Variants in TFDP2 observed in about 807,000 individuals in gnomAD.
The protein encoded by TFDP2 is transcription factor Dp-2, also known as transcription factor Dp-2 (E2F dimerization partner 2).
Under a neutral mutation model 59.3 loss-of-function variants are expected in TFDP2, and 17 were observed. The ratio of observed to expected loss-of-function variants is 0.29; its 90% confidence interval spans 0.20 to 0.43. TFDP2 has a LOEUF of 0.43. Among genes scored for constraint, TFDP2 ranks in the 20% least tolerant of loss-of-function variants. TFDP2 has a pLI of 1.00. For missense variants in TFDP2, 391 were observed against 528.8 expected, an observed-to-expected ratio of 0.74 and a Z score of 2.56; for synonymous variants, 180 against 194.7, an observed-to-expected ratio of 0.92 and a Z score of 0.63.
chr3:141,957,098 A>T (rs1268656747), intron 11 of TFDP2, among the ~76,000 whole-genome samples: 3 of 152,164 alleles, frequency 2.0e-5, no homozygotes, highest in Non-Finnish European at 2.9e-5. Context: ...AGGCAGGTGA[A>T]TTCAGGCCAA....
intron 6 of TFDP2, chr3:141,989,562 G>GA (rs989627665): frequency 1.3e-5 from 2 of 152,324 alleles, no homozygotes; most frequent in Admixed American, 6.5e-5. Flanking sequence ...ATGGAGGTGG[G>GA]ATAAGAGGTA....
chr3:142,136,091 T>C (rs976085565), intron 1 of TFDP2, among the ~76,000 whole-genome samples: 4 of 152,048 alleles, frequency 2.6e-5, no homozygotes, highest in Admixed American at 2.0e-4. Flanking sequence ...TAATTATCGC[T>C]GTTCTGACTG....
In TFDP2 at chr3:142,016,350, G is replaced by A. The variant is rs61592522; in HGVS notation, c.83-10806C>T. ...GTCTCACTCTGTCACCCAGGCTAGA[G>A]TGCAGTGGTGCGATCTCAGCTCACT... On this transcript the variant is annotated intron_variant, in intron 3 of 12. Transcript: ENST00000489671. Among the ~76,000 whole-genome samples the A allele has an allele frequency of 2.9e-3, 418 of 146,546 alleles. 4 individuals are homozygous for A. Among genetic ancestry groups the A allele is most frequent in the African/African-American group, 0.01 (400 of 39,278 alleles).
chr3:142,043,264 G>T (rs916139753), intron 3 of TFDP2, among the ~76,000 whole-genome samples: 3 of 141,330 alleles, frequency 2.1e-5, no homozygotes, highest in Non-Finnish European at 4.6e-5. Context: ...AGCCAGGATG[G>T]TCTCGATCTC....
rs765214017 is a variant in TFDP2, at chr3:141,952,925, G to A, written c.1143C>T (p.Thr381=). The change falls in exon 12 of 13, where the codon ACC becomes ACT. Residue 381 remains threonine (T), a synonymous_variant. Coordinates refer to ENST00000489671, the MANE Select transcript of TFDP2 (RefSeq NM_001178139.2). Reference sequence around the variant, plus strand: ...AAAATACGTACCTTGACTGGGGTAAGGTGGCACCAGTGGTCAGGTCTAAAT... The same window carrying A: ...AAAATACGTACCTTGACTGGGGTAAAGTGGCACCAGTGGTCAGGTCTAAAT... ...VSNLDLTTGA[T]LPQSSVNQGL... 1.9e-6 allele frequency: 3 copies of A among 1,613,840 alleles called. No homozygotes were observed. The highest frequency in any genetic ancestry group is 2.2e-5 in the East Asian group (1 of 44,894).
In TFDP2 at chr3:142,124,524, ATTAG is replaced by A. The variant is rs1404478443; in HGVS notation, c.-92-22687_-92-22684del. ...ACAACTGAGTAATCATATAGAAAAA[ATTAG>A]TTAGAGCCATAATTTATACCTCACT... On this transcript the variant is annotated intron_variant, in intron 1 of 12. Coordinates refer to ENST00000489671, the MANE Select transcript of TFDP2 (RefSeq NM_001178139.2). Among the ~76,000 whole-genome samples the A allele has an allele frequency of 6.6e-5, 10 of 152,350 alleles. 1 individual carries two copies. Among genetic ancestry groups the A allele is most frequent in the African/African-American group, 1.9e-4 (8 of 41,584 alleles).
At chr3:142,094,807 G>C (rs1439826551) in intron 2 of TFDP2, among the ~76,000 whole-genome samples, 1 of 152,084 alleles carries the variant, frequency 6.6e-6, no homozygotes, top group Non-Finnish European at 1.5e-5. Flanking sequence ...TATGTGTGTT[G>C]CGAAGATTCA....
intron 3 of TFDP2, among the ~76,000 whole-genome samples, chr3:142,047,394 CCTTATAGGTT>C: frequency 6.6e-6 from 1 of 152,216 alleles, no homozygotes. Flanking sequence ...ATAATCCATA[CCTTATAGGTT>C]AACAACGTAT....
Position 142,010,629 on chromosome 3 carries a change from AC to A in TFDP2, c.83-5086del, listed in dbSNP as rs35557746. On this transcript the variant is annotated intron_variant, in intron 3 of 12. Coordinates refer to ENST00000489671, the MANE Select transcript of TFDP2 (RefSeq NM_001178139.2). ...GTCTCAAAAAAAAAAAAAAAAAAAA[AC>A]CTACCATCAGAGTGAACAGGCAACC... is the stretch of plus-strand genomic sequence containing the variant. Among the ~76,000 whole-genome samples, 303 of 132,156 alleles carry A rather than the reference AC, an allele frequency of 2.3e-3. 2 individuals carry two copies. The highest frequency in any genetic ancestry group is 3.8e-3 in the Non-Finnish European group (209 of 54,934). 86.7% of individuals were successfully genotyped at this position (132,156 alleles called of 152,430 possible). A position where few individuals can be genotyped will look rare whatever the true frequency, so the allele number is the denominator to read the frequency against.
intron 1 of TFDP2, among the ~76,000 whole-genome samples, chr3:142,104,194 G>A (rs73233879): frequency 0.085 from 12,962 of 152,084 alleles, 694 homozygotes; most frequent in Middle Eastern, 0.14. Flanking sequence ...TAAAAATAAA[G>A]TTCCTATGCT....
In TFDP2 at chr3:141,974,081, A is replaced by G; in HGVS notation, c.630T>C (p.Pro210=). The part of the protein sequence containing the change: ...EKKEIKWIGL[P]TNSAQECQNL... ...TCTGACATTCCTGAGCAGAATTGGT[A>G]GGCAGGCCAATCCACTTGATTTCTT... Residue 210 remains proline (P), a synonymous_variant, in exon 8 of 13, where the codon CCT becomes CCC. Transcript: ENST00000489671. The G allele has an allele frequency of 6.2e-7, 1 of 1,612,678 alleles. No individual in the cohort carries two copies. Among genetic ancestry groups the G allele is most frequent in the Admixed American group, 1.7e-5 (1 of 59,738 alleles).
At chr3:142,119,583 A>G (rs1473366788) in intron 1 of TFDP2, among the ~76,000 whole-genome samples, 1 of 152,204 alleles carries the variant, frequency 6.6e-6, no homozygotes, top group Non-Finnish European at 1.5e-5. Flanking sequence ...AACATAGAAA[A>G]TATATTAAAG....
At chr3:142,098,096 C>A (rs2061219796) in intron 2 of TFDP2, among the ~76,000 whole-genome samples, 1 of 152,050 alleles carries the variant, frequency 6.6e-6, no homozygotes, top group Non-Finnish European at 1.5e-5. Flanking sequence ...GGGCCAATGT[C>A]TATACATTTT....
intron 3 of TFDP2, among the ~76,000 whole-genome samples, chr3:142,014,411 C>T (rs538471483): frequency 3.1e-4 from 47 of 152,188 alleles, no homozygotes; most frequent in African/African-American, 1.0e-3. Context: ...CGCCAAAGCA[C>T]TGGGATTCCA....
chr3:142,073,451 C>A (rs1048066600), intron 3 of TFDP2, among the ~76,000 whole-genome samples: 36 of 42,270 alleles, frequency 8.5e-4, no homozygotes, highest in Admixed American at 6.0e-3. Context: ...TAAAAACAAA[C>A]AAACAACCCC....
intron 1 of TFDP2, among the ~76,000 whole-genome samples, chr3:142,122,166 TAAACTC>T (rs1034506325): frequency 1.2e-4 from 19 of 152,316 alleles, no homozygotes; most frequent in African/African-American, 4.3e-4. Context: ...CAGAGTATCT[TAAACTC>T]AAGAAAATCC....
intron 1 of TFDP2, among the ~76,000 whole-genome samples, chr3:142,138,786 C>T (rs2062826960): frequency 1.3e-5 from 2 of 152,096 alleles, no homozygotes; most frequent in East Asian, 1.9e-4. Flanking sequence ...GCTTTACTTC[C>T]AATTATGTGG....
chr3:141,994,861 T>C, intron 5 of TFDP2, 159 bp downstream of exon 5: 1 of 549,092 alleles, frequency 1.8e-6, no homozygotes, highest in Non-Finnish European at 3.0e-6. Flanking sequence ...AGAGATTATT[T>C]ATATCTAAGA....
chr3:142,017,545 AT>A (rs1945227097), intron 3 of TFDP2, among the ~76,000 whole-genome samples: 2 of 125,110 alleles, frequency 1.6e-5, no homozygotes, highest in South Asian at 2.5e-4. Flanking sequence ...ATGCAAAAAT[AT>A]TCTTTTTTTT....
Sources: allele counts gnomAD v4.1 joint callset (sites outside exome capture counted in the v4.1 genomes callset), GRCh38; gene constraint gnomAD v4.1.1; transcripts MANE v1.5; gene names NCBI Gene and HGNC (gene_info 2026-07-23, HGNC 2026-07-21).